Variants in LINGO2 observed in about 807,000 individuals in gnomAD.
LINGO2 encodes the protein leucine rich repeat and Ig domain containing 2.
In LINGO2, 14 loss-of-function variants were observed where a neutral mutation model predicts 30.6. The observed-to-expected ratio is 0.46, with a 90% CI of 0.30 to 0.72. LINGO2 has a LOEUF of 0.72. Among genes scored for constraint, LINGO2 ranks in the 30% least tolerant of loss-of-function variants. The probability of loss-of-function intolerance (pLI) is 0.07; values close to 1 mark genes in which losing one functional copy is unlikely to be tolerated. For missense variants in LINGO2, 729 were observed against 751.7 expected (o/e 0.97, Z 0.35); for synonymous variants, 317 against 288.5 (o/e 1.10, Z -1.00).
chr9:28,430,761 C>A (rs1440930687), intron 2 of LINGO2, among the ~76,000 whole-genome samples: 3 of 152,016 alleles, frequency 2.0e-5, no homozygotes, highest in African/African-American at 7.2e-5. Flanking sequence ...TTTACAGTTT[C>A]TATATGCCAG....
chr9:28,191,234 C>T (rs565313891), intron 4 of LINGO2, among the ~76,000 whole-genome samples: 2 of 152,188 alleles, frequency 1.3e-5, no homozygotes, highest in Admixed American at 6.5e-5. Flanking sequence ...AAAATAACTT[C>T]GCTTCACAGC....
intron 4 of LINGO2, among the ~76,000 whole-genome samples, chr9:28,164,329 A>C (rs114945341): frequency 2.6e-5 from 4 of 152,222 alleles, no homozygotes; most frequent in African/African-American, 7.2e-5. Context: ...TATAACAACT[A>C]TATTAACAAA....
At chr9:28,731,871 A>G in the LINGO2 span, among the ~76,000 whole-genome samples, 1 of 152,168 alleles carries the variant, frequency 6.6e-6, no homozygotes, top group Admixed American at 6.5e-5. Context: ...TGACATCTCT[A>G]TACTATTTCT....
the LINGO2 span, among the ~76,000 whole-genome samples, chr9:29,095,204 G>C: frequency 7.2e-6 from 1 of 138,328 alleles, no homozygotes; most frequent in Non-Finnish European, 1.6e-5. Context: ...ATAAATGTTT[G>C]CAAGGCAAAG....
intron 4 of LINGO2, among the ~76,000 whole-genome samples, chr9:28,017,394 A>T (rs1208328778): frequency 6.6e-6 from 1 of 152,198 alleles, no homozygotes; most frequent in Non-Finnish European, 1.5e-5. Flanking sequence ...AGAGGAAATC[A>T]AAGTATCTCT....
chr9:29,156,818 T>C, the LINGO2 span, among the ~76,000 whole-genome samples: 1 of 152,134 alleles, frequency 6.6e-6, no homozygotes, highest in East Asian at 1.9e-4. Flanking sequence ...TACCTGAGAA[T>C]AAACCAAATA....
At chr9:28,045,931 CAA>C (rs1587760115) in intron 4 of LINGO2, among the ~76,000 whole-genome samples, 1 of 152,130 alleles carries the variant, frequency 6.6e-6, no homozygotes, top group East Asian at 1.9e-4. Context: ...TGATGAAAAG[CAA>C]AGAGTTAAAC....
At chr9:28,949,736 G>C in the LINGO2 span, among the ~76,000 whole-genome samples, 1 of 152,100 alleles carries the variant, frequency 6.6e-6, no homozygotes, top group Non-Finnish European at 1.5e-5. Flanking sequence ...TAGAAAAAGA[G>C]GGACTCCTCC....
the LINGO2 span, chr9:27,938,843 A>G: frequency 6.6e-6 from 1 of 152,202 alleles, no homozygotes; most frequent in African/African-American, 2.4e-5. Context: ...AAATGAGTAA[A>G]TGAATGAAAG....
intron 1 of LINGO2, among the ~76,000 whole-genome samples, chr9:28,565,783 T>C (rs923019797): frequency 4.7e-4 from 72 of 151,844 alleles, no homozygotes; most frequent in African/African-American, 1.5e-3. Context: ...CTCGATCTCC[T>C]GACCTCGTGA....
chr9:28,373,857 G>T (rs533594516), intron 2 of LINGO2, among the ~76,000 whole-genome samples: 21 of 149,132 alleles, frequency 1.4e-4, no homozygotes, highest in East Asian at 5.9e-4. Flanking sequence ...CCAAGATCAG[G>T]CCACTGCACT....
intron 3 of LINGO2, among the ~76,000 whole-genome samples, chr9:28,365,723 TG>T: frequency 6.6e-6 from 1 of 151,090 alleles, no homozygotes; most frequent in Admixed American, 6.6e-5. Context: ...AGTTAAAGAA[TG>T]GGGACAAGAG....
intron 4 of LINGO2, among the ~76,000 whole-genome samples, chr9:28,043,431 G>A (rs1009616704): frequency 6.6e-6 from 1 of 152,204 alleles, no homozygotes; most frequent in East Asian, 1.9e-4. Context: ...TGTAGAAGGA[G>A]AGTATGGCAG....
At chr9:28,230,652 A>T (rs191477543) in intron 4 of LINGO2, among the ~76,000 whole-genome samples, 1 of 151,980 alleles carries the variant, frequency 6.6e-6, no homozygotes, top group Admixed American at 6.5e-5. Flanking sequence ...TGAAAACCAC[A>T]ATAGTTATTG....
chr9:28,758,728 T>C, the LINGO2 span, among the ~76,000 whole-genome samples: 1 of 152,136 alleles, frequency 6.6e-6, no homozygotes, highest in African/African-American at 2.4e-5. Flanking sequence ...TGTCTAAGGC[T>C]TCTGTTATCT....
intron 4 of LINGO2, among the ~76,000 whole-genome samples, chr9:28,260,681 C>T (rs1054779220): frequency 6.6e-6 from 1 of 151,848 alleles, no homozygotes; most frequent in African/African-American, 2.4e-5. Flanking sequence ...TAGAATTATA[C>T]CTATACCTGT....
At chr9:27,961,030 T>C (rs999248148) in intron 5 of LINGO2, among the ~76,000 whole-genome samples, 4 of 152,184 alleles carry the variant, frequency 2.6e-5, no homozygotes, top group African/African-American at 9.6e-5. Flanking sequence ...GCAATATGCA[T>C]TCAGCAGAAA....
At chr9:28,576,422 A>G (rs1267664691) in intron 1 of LINGO2, among the ~76,000 whole-genome samples, 1 of 152,128 alleles carries the variant, frequency 6.6e-6, no homozygotes, top group Non-Finnish European at 1.5e-5. Flanking sequence ...GTGTGTGCGT[A>G]TTCTTCAAGC....
At chr9:28,795,646 G>A in the LINGO2 span, among the ~76,000 whole-genome samples, 6 of 151,402 alleles carry the variant, frequency 4.0e-5, no homozygotes, top group African/African-American at 1.5e-4. Flanking sequence ...AAAATATTAC[G>A]AAGGTAAAAT....
Sources: allele counts gnomAD v4.1 joint callset (sites outside exome capture counted in the v4.1 genomes callset), GRCh38; gene constraint gnomAD v4.1.1; transcripts MANE v1.5; gene names NCBI Gene and HGNC (gene_info 2026-07-23, HGNC 2026-07-21).